ADAMTS2: variants seen among roughly 807,000 people sequenced by gnomAD.
ADAMTS2 encodes the protein ADAM metallopeptidase with thrombospondin type 1 motif 2.
In ADAMTS2, 50 loss-of-function variants were observed where a neutral mutation model predicts 123.0. That is an observed-to-expected ratio of 0.41 (90% confidence interval 0.32 to 0.51). The LOEUF is 0.51. ADAMTS2 is among the 20% of genes least tolerant of loss of function. ADAMTS2 has a pLI of 0.35. For missense variants in ADAMTS2, 1,494 were observed against 1,705.2 expected (o/e 0.88, Z 2.18); for synonymous variants, 678 against 695.4 (o/e 0.98, Z 0.39).
chr5:179,229,260 C>T (rs527475979), intron 3 of ADAMTS2, among the ~76,000 whole-genome samples: 11 of 151,934 alleles, frequency 7.2e-5, no homozygotes, highest in Admixed American at 3.9e-4. Context: ...GTCACAAACA[C>T]GAGACCCCGC....
In ADAMTS2 at chr5:179,132,266, G is replaced by C; in HGVS notation, c.2254C>G (p.Leu752Val). The stretch of plus-strand genomic sequence containing the variant: ...CTGGTGGCGTCTACCTCCTGAATGA[G>C]CAGGTGTCTGGCTCCTGCAGGGATC... ...FEIPAGARHL[L>V]IQEVDATSHH... Residue 752 changes from leucine to valine, a missense_variant, in exon 15 of 22, where the codon CTC becomes GTC. Coordinates refer to ENST00000251582, the MANE Select transcript of ADAMTS2 (RefSeq NM_014244.5). This position sits in a 1 kb window ranked among gnomAD's most constrained non-coding sequence, Gnocchi z 6.1. 1 of 1,614,220 alleles carries C rather than the reference G, an allele frequency of 6.2e-7. No homozygotes were observed. The highest frequency in any genetic ancestry group is 8.5e-7 in the Non-Finnish European group (1 of 1,180,038).
chr5:179,114,223 T>C lies in ADAMTS2; in HGVS notation c.3280A>G (p.Asn1094Asp). 1.9e-6 allele frequency: 3 copies of C among 1,613,816 alleles called. No individual in the cohort carries two copies. Among genetic ancestry groups the C allele is most frequent in the Non-Finnish European group, 2.5e-6 (3 of 1,179,776 alleles). The change falls in exon 22 of 22, where the codon AAC becomes GAC. Residue 1094 changes from asparagine (N) to aspartate (D), a missense_variant. By Grantham distance (23) the Asn-to-Asp change is conservative. Around this residue, in one of 6 missense-constraint regions of ADAMTS2, gnomAD observed 953 missense variants for 1,124.7 expected, o/e 0.85. Transcript: ENST00000251582. ...ACGTTGGTGAGGTTGTTGTACAGGT[T>C]ACAGGACTTGCAGCACAGCTTGTTG... ...GYNKLCCKSC[N>D]LYNNLTNVEG...
rs1323219906 is a variant in ADAMTS2 at position 179,303,320 on chromosome 5, T to C, written c.535-30256A>G. Among the ~76,000 whole-genome samples the C allele has an allele frequency of 2.0e-5, 3 of 152,146 alleles. No homozygotes were observed. The highest frequency in any genetic ancestry group is 2.9e-5 in the Non-Finnish European group (2 of 68,020). On this transcript the variant is annotated intron_variant, in intron 2 of 21. Coordinates refer to ENST00000251582, the MANE Select transcript of ADAMTS2 (RefSeq NM_014244.5). The surrounding 1 kb of genome is among the most constrained non-coding windows in gnomAD (Gnocchi z 4.7). Reference sequence around the variant, plus strand: ...GAAGGTTCAGGTTCCAGTAGGATGGTGTGAGCACGCCTCACCTGCATCCCC... The same window carrying C: ...GAAGGTTCAGGTTCCAGTAGGATGGCGTGAGCACGCCTCACCTGCATCCCC...
chr5:179,126,235 A>T (rs1410223231), intron 17 of ADAMTS2, 105 bp from the exon 18 acceptor site: 27 of 1,513,074 alleles, frequency 1.8e-5, no homozygotes, highest in Non-Finnish European at 2.5e-5. Flanking sequence ...TTTCCTGCTC[A>T]CCCTTGTGAT....
intron 5 of ADAMTS2, among the ~76,000 whole-genome samples, chr5:179,167,975 C>T (rs116236689): frequency 0.026 from 3,972 of 152,308 alleles, 75 homozygotes; most frequent in Middle Eastern, 0.044. Context: ...GCGGCTTCAG[C>T]AAAGCTTCTC....
At chr5:179,209,283 C>A (rs182488163) in intron 3 of ADAMTS2, among the ~76,000 whole-genome samples, 2 of 152,358 alleles carry the variant, frequency 1.3e-5, no homozygotes, top group East Asian at 3.9e-4. Context: ...CTCCTTGCAC[C>A]CTGCAGCCTG....
At chr5:179,120,662 G>A (rs1054904976) in intron 21 of ADAMTS2, 5 of 152,026 alleles carry the variant, frequency 3.3e-5, no homozygotes, top group Admixed American at 2.6e-4. Flanking sequence ...CCGCGCTGTG[G>A]AGCACCCTCG....
rs192612836 is a variant in ADAMTS2 at position 179,305,186 on chromosome 5, C to G, written c.535-32122G>C. ...AGAATGTGTGGCCAGCAGATCTACC[C>G]TAAGATGGTTGCTGAAGGAAGTTCT... On this transcript the variant is annotated intron_variant, in intron 2 of 21. Transcript: ENST00000251582. Among the ~76,000 whole-genome samples the G allele has an allele frequency of 8.5e-3, 1,297 of 152,280 alleles. 32 individuals are homozygous for G. Among genetic ancestry groups the G allele is most frequent in the Admixed American group, 0.056 (853 of 15,302 alleles).
At chr5:179,138,713 G>C (rs545369774) in intron 11 of ADAMTS2, among the ~76,000 whole-genome samples, 15 of 152,350 alleles carry the variant, frequency 9.8e-5, no homozygotes, top group African/African-American at 3.4e-4. Context: ...AGGGATCCAT[G>C]CACGAGCGTG....
rs1228435927 is a variant in ADAMTS2, at chr5:179,242,112, A to C, written c.688+30799T>G. On this transcript the variant is annotated intron_variant, in intron 3 of 21. Coordinates refer to ENST00000251582, the MANE Select transcript of ADAMTS2 (RefSeq NM_014244.5). This position sits in a 1 kb window ranked among gnomAD's most constrained non-coding sequence, Gnocchi z 4.2. ...TGAGATCTGAACATTGGGAGAAAAA[A>C]ATATTCCCTTCCTGGCTCAGTAAGC... is the stretch of plus-strand genomic sequence containing the variant. Among the ~76,000 whole-genome samples the C allele has an allele frequency of 1.3e-5, 2 of 152,178 alleles. No homozygotes were observed. Among genetic ancestry groups the C allele is most frequent in the Non-Finnish European group, 2.9e-5 (2 of 68,044 alleles).
intron 4 of ADAMTS2, 48 bp downstream of exon 4, chr5:179,207,465 T>G (rs768665541): frequency 7.1e-6 from 11 of 1,539,506 alleles, no homozygotes; most frequent in Non-Finnish European, 9.8e-6. Flanking sequence ...GCCCAGCCCC[T>G]GGTTGACCCT....
chr5:179,174,012 C>CA (rs371293189), intron 5 of ADAMTS2, among the ~76,000 whole-genome samples: 2,208 of 64,436 alleles, frequency 0.034, 36 homozygotes, highest in African/African-American at 0.083. Flanking sequence ...GACTCCATCT[C>CA]AAAAAAAAAA....
chr5:179,257,674 T>C (rs1766099150), intron 3 of ADAMTS2, among the ~76,000 whole-genome samples: 1 of 152,164 alleles, frequency 6.6e-6, no homozygotes, highest in South Asian at 2.1e-4. Context: ...AAGGCCTCTC[T>C]TGACATTCCC....
chr5:179,154,886 A>G lies in ADAMTS2; in HGVS notation c.1166T>C (p.Val389Ala), dbSNP rs748070988. The G allele has an allele frequency of 1.2e-6, 2 of 1,613,614 alleles. No individual in the cohort carries two copies. Among genetic ancestry groups the G allele is most frequent in the Non-Finnish European group, 1.7e-6 (2 of 1,179,944 alleles). The change falls in exon 7 of 22, where the codon GTC becomes GCC. Residue 389 changes from valine to alanine, a missense_variant. Physicochemically the swap from Val to Ala is moderately conservative, Grantham distance 64. This residue lies in a region of ADAMTS2 where 47 missense variants were observed against 92.7 expected (regional missense o/e 0.51). Transcript: ENST00000251582. ...CTCATGGTTCAGGGTGCAGCTGCGG[A>G]CCGGATGGCACATGCCGGTGACAGG... ...YAPVTGMCHP[V>A]RSCTLNHEDG...
At chr5:179,119,703 T>C (rs1031502825) in intron 21 of ADAMTS2, among the ~76,000 whole-genome samples, 2 of 152,000 alleles carry the variant, frequency 1.3e-5, no homozygotes, top group African/African-American at 4.8e-5. Flanking sequence ...CCTGGACGAG[T>C]AGCCCAAGGC....
intron 21 of ADAMTS2, among the ~76,000 whole-genome samples, chr5:179,119,405 C>T (rs1762716105): frequency 6.6e-6 from 1 of 152,256 alleles, no homozygotes; most frequent in African/African-American, 2.4e-5. Context: ...TTTCTTCCCT[C>T]TCCCTGGTGG....
intron 5 of ADAMTS2, among the ~76,000 whole-genome samples, chr5:179,166,959 G>A (rs1352854266): frequency 2.6e-5 from 4 of 152,192 alleles, no homozygotes; most frequent in African/African-American, 9.6e-5. Flanking sequence ...GAATGAACAC[G>A]AGCACCCTCA....
At position 179,317,941 on chromosome 5, in the gene ADAMTS2, A is replaced by AGGGC. The variant is rs1358171115; in HGVS notation, c.534+25822_534+25825dup. Among the ~76,000 whole-genome samples, 1 of 152,120 alleles carries AGGGC rather than the reference A, an allele frequency of 6.6e-6. No homozygotes were observed. Among genetic ancestry groups the AGGGC allele is most frequent in the Non-Finnish European group, 1.5e-5 (1 of 68,016 alleles). On this transcript the variant is annotated intron_variant, in intron 2 of 21. Coordinates refer to ENST00000251582, the MANE Select transcript of ADAMTS2 (RefSeq NM_014244.5). This position sits in a 1 kb window ranked among gnomAD's most constrained non-coding sequence, Gnocchi z 4.9. Reference sequence around the variant, plus strand: ...TCCCTGGGGTCCCTGGGGCTCATCCAGGGCTGGGGTGGAGCCGGGACATGA... The same window carrying AGGGC: ...TCCCTGGGGTCCCTGGGGCTCATCCAGGGCGGGCTGGGGTGGAGCCGGGACATGA...
intron 3 of ADAMTS2, among the ~76,000 whole-genome samples, chr5:179,257,556 C>A (rs902565945): frequency 6.6e-5 from 10 of 152,246 alleles, no homozygotes; most frequent in Non-Finnish European, 1.2e-4. Flanking sequence ...GGCCCTGCGC[C>A]CTCCCCGCTG....
Sources: allele counts gnomAD v4.1 joint callset (sites outside exome capture counted in the v4.1 genomes callset), GRCh38; gene constraint gnomAD v4.1.1; regional missense constraint gnomAD v4.1.1; non-coding constraint Gnocchi (gnomAD v3.1); transcripts MANE v1.5; gene names NCBI Gene and HGNC (gene_info 2026-07-23, HGNC 2026-07-21).